DHX9: variants seen among roughly 807,000 people sequenced by gnomAD.
DHX9 encodes DExH-box helicase 9.
Under a neutral mutation model 148.7 loss-of-function variants are expected in DHX9, and 27 were observed. The observed-to-expected ratio is 0.18, with a 90% CI of 0.13 to 0.25. DHX9 has a LOEUF of 0.25. Among genes scored for constraint, DHX9 ranks in the 10% least tolerant of loss-of-function variants. DHX9 has a pLI of 1.00. For missense variants in DHX9, 796 were observed against 1,559.6 expected, an observed-to-expected ratio of 0.51 and a Z score of 8.25; for synonymous variants, 529 against 516.6, an observed-to-expected ratio of 1.02 and a Z score of -0.33.
intron 11 of DHX9, among the ~76,000 whole-genome samples, chr1:182,859,328 G>C (rs985103749): frequency 6.6e-6 from 1 of 152,168 alleles, no homozygotes; most frequent in African/African-American, 2.4e-5. Flanking sequence ...TTTAATAAAA[G>C]TGGAGAGATT....
At chr1:182,850,751 A>G (rs1039383425) in intron 3 of DHX9, among the ~76,000 whole-genome samples, 1 of 152,200 alleles carries the variant, frequency 6.6e-6, no homozygotes, top group Non-Finnish European at 1.5e-5. Flanking sequence ...TGTGTATACT[A>G]TTTTATAACC....
intron 18 of DHX9, 141 bp from the exon 19 acceptor site, chr1:182,876,689 T>G: frequency 1.1e-6 from 1 of 908,636 alleles, no homozygotes; most frequent in Non-Finnish European, 1.7e-6. Flanking sequence ...CTTAGTAGAT[T>G]GTTGTTCATT....
At chr1:182,857,202 TACTA>T (rs1260950876) in intron 7 of DHX9, among the ~76,000 whole-genome samples, 1 of 152,166 alleles carries the variant, frequency 6.6e-6, no homozygotes, top group Non-Finnish European at 1.5e-5. Context: ...GGATGGATAA[TACTA>T]AGGGAGAGAG....
chr1:182,842,540 C>G lies in DHX9; in HGVS notation c.-22-5C>G, dbSNP rs748306897. ...GCTGTTTTTAACTGACTTTTGTTTT[C>G]TTAGATCTGAAGAAGACACTTGAAT... On this transcript the variant is annotated splice_polypyrimidine_tract_variant and splice_region_variant and intron_variant, in intron 1 of 27. Coordinates refer to ENST00000367549, the MANE Select transcript of DHX9 (RefSeq NM_001357.5). 6.4e-6 allele frequency: 10 copies of G among 1,563,078 alleles called. No individual in the cohort carries two copies. Among genetic ancestry groups the G allele is most frequent in the Non-Finnish European group, 8.7e-6 (10 of 1,143,378 alleles).
rs116414145 is a variant in DHX9, at chr1:182,865,828, C to T, written c.1333-616C>T. ...TTTTGTACTTAGAAGACATGGAACA[C>T]TTCAGAAGAGTTTTCATAAAAAGAT... On this transcript the variant is annotated intron_variant, in intron 12 of 27. Coordinates refer to ENST00000367549, the MANE Select transcript of DHX9 (RefSeq NM_001357.5). 1.2e-4 allele frequency among the ~76,000 whole-genome samples: 19 copies of T among 152,316 alleles called. No homozygotes were observed. The East Asian group carries it at 3.5e-3, about 28-fold the overall frequency.
At chr1:182,870,656 T>G (rs569505079) in intron 14 of DHX9, among the ~76,000 whole-genome samples, 2 of 152,288 alleles carry the variant, frequency 1.3e-5, no homozygotes, top group South Asian at 2.1e-4. Context: ...CCATATAGAT[T>G]GAGAACTTTA....
At position 182,863,163 on chromosome 1, in the gene DHX9, G is replaced by A. The variant is rs138038570; in HGVS notation, c.1332+2979G>A. Among the ~76,000 whole-genome samples the A allele has an allele frequency of 6.9e-3, 1,057 of 152,118 alleles. 14 individuals carry two copies. Among genetic ancestry groups the A allele is most frequent in the African/African-American group, 0.023 (968 of 41,492 alleles). On this transcript the variant is annotated intron_variant, in intron 12 of 27. Transcript: ENST00000367549. ...CTTTCTAACTAGTCTCACTTTTGTC[G>A]GTTATTGTTTTATTTTTAACATATT...
At chr1:182,879,603 A>G (rs1648991717) in intron 21 of DHX9, among the ~76,000 whole-genome samples, 193 bp downstream of exon 21, 1 of 152,256 alleles carries the variant, frequency 6.6e-6, no homozygotes. Flanking sequence ...GAGAAGGAAG[A>G]AAGGGACAAT....
chr1:182,873,984 A>G (rs1247348877), intron 15 of DHX9, among the ~76,000 whole-genome samples: 1 of 152,220 alleles, frequency 6.6e-6, no homozygotes, highest in Non-Finnish European at 1.5e-5. Context: ...GAACAGTTTG[A>G]GGAAAAAAAA....
intron 14 of DHX9, 46 bp from the exon 15 acceptor site, chr1:182,872,291 A>G (rs1169461327): frequency 3.9e-6 from 6 of 1,533,356 alleles, no homozygotes; most frequent in African/African-American, 1.4e-5. Context: ...AGCTTGTTAT[A>G]TAAACTTAAT....
chr1:182,846,617 C>T (rs1668034658), intron 3 of DHX9, among the ~76,000 whole-genome samples: 2 of 152,204 alleles, frequency 1.3e-5, no homozygotes, highest in Non-Finnish European at 2.9e-5. Flanking sequence ...AAATCACTCT[C>T]TCCCATATGT....
intron 4 of DHX9, 45 bp downstream of exon 4, chr1:182,852,389 ACAATCTTGATCAC>A (rs765440691): frequency 1.5e-6 from 2 of 1,341,046 alleles, no homozygotes; most frequent in Non-Finnish European, 2.1e-6. Context: ...TAAGATATAC[ACAATCTTGATCAC>A]CATCTCTGTT....
chr1:182,864,201 C>A (rs760350376), intron 12 of DHX9, among the ~76,000 whole-genome samples: 1 of 152,140 alleles, frequency 6.6e-6, no homozygotes, highest in Non-Finnish European at 1.5e-5. Context: ...ACCCGCCAGC[C>A]TCAGACTCCT....
chr1:182,879,387 T>C lies in DHX9; in HGVS notation c.2489T>C (p.Ile830Thr). Residue 830 changes from isoleucine to threonine, a missense_variant, in exon 21 of 28, where the codon ATT becomes ACT. Physicochemically the swap from Ile to Thr is moderately conservative, Grantham distance 89 (BLOSUM62 -1). Around this residue, in one of 14 missense-constraint regions of DHX9, gnomAD observed 122 missense variants for 289.3 expected, o/e 0.42. Transcript: ENST00000367549. The part of the protein sequence containing the change: ...AIEPPPLDAV[I>T]EAEHTLRELD... ...GAACCTCCCCCTTTGGATGCTGTGA[T>C]TGAAGCAGAACACACTCTTAGAGGT... 1.3e-6 allele frequency: 2 copies of C among 1,528,972 alleles called. No homozygotes were observed. Among genetic ancestry groups the C allele is most frequent in the Non-Finnish European group, 1.8e-6 (2 of 1,120,846 alleles). 94.7% of individuals were successfully genotyped at this position (1,528,972 alleles called of 1,614,324 possible).
intron 12 of DHX9, among the ~76,000 whole-genome samples, chr1:182,865,855 C>A (rs1419216962): frequency 2.6e-5 from 4 of 152,152 alleles, no homozygotes; most frequent in Non-Finnish European, 5.9e-5. Context: ...TAAAAAGATC[C>A]AACACTTAAA....
chr1:182,871,213 G>C (rs1214649360), intron 14 of DHX9, among the ~76,000 whole-genome samples: 1 of 152,094 alleles, frequency 6.6e-6, no homozygotes, highest in African/African-American at 2.4e-5. Flanking sequence ...AAACAACTTA[G>C]TAGAAAAATG....
rs1649402787 is a variant in DHX9, at chr1:182,887,766, T to C, written c.*332T>C. 4.5e-6 allele frequency: 1 copy of C among 222,264 alleles called. No homozygotes were observed. The highest frequency in any genetic ancestry group is 2.3e-5 in the African/African-American group (1 of 44,396). The allele number at this position is 222,264 out of a possible 1,614,324, so 13.8% of individuals were successfully genotyped here. Reference sequence around the variant, plus strand: ...TACACCGAATACTTGCCGTGTAGTTTGTTTGTTGACCTCGTATGTTAGAAA... The same window carrying C: ...TACACCGAATACTTGCCGTGTAGTTCGTTTGTTGACCTCGTATGTTAGAAA... On this transcript the variant is annotated 3_prime_UTR_variant, in exon 28 of 28. Transcript: ENST00000367549.
At position 182,887,198 on chromosome 1, in the gene DHX9, G is replaced by A. The variant is rs1649370816; in HGVS notation, c.3577G>A (p.Gly1193Ser). 6.2e-7 allele frequency: 1 copy of A among 1,607,854 alleles called. No homozygotes were observed. The highest frequency in any genetic ancestry group is 8.5e-7 in the Non-Finnish European group (1 of 1,174,382). ...CTATGGCGGTGGCTATAGCAGTGGA[G>A]GCTATGGTAGCGGAGGCTATGGTGG... The part of the protein sequence containing the change: ...GGYGGGYSSG[G>S]YGSGGYGGSA... The change falls in exon 28 of 28, where the codon GGC becomes AGC. Residue 1193 changes from glycine to serine, a missense_variant. Around this residue, in one of 14 missense-constraint regions of DHX9, gnomAD observed 98 missense variants for 105.5 expected, o/e 0.93. Coordinates refer to ENST00000367549, the MANE Select transcript of DHX9 (RefSeq NM_001357.5).
chr1:182,873,734 C>T (rs1648649202), intron 15 of DHX9, among the ~76,000 whole-genome samples: 1 of 152,152 alleles, frequency 6.6e-6, no homozygotes, highest in African/African-American at 2.4e-5. Context: ...GGAGTAGAAG[C>T]AGTGACACCC....
Sources: allele counts gnomAD v4.1 joint callset (sites outside exome capture counted in the v4.1 genomes callset), GRCh38; gene constraint gnomAD v4.1.1; regional missense constraint gnomAD v4.1.1; transcripts MANE v1.5; gene names NCBI Gene and HGNC (gene_info 2026-07-23, HGNC 2026-07-21).